Variants in SLC9A9 observed in about 807,000 individuals in gnomAD.
SLC9A9 encodes sodium/hydrogen exchanger 9.
Under a neutral mutation model 77.8 loss-of-function variants are expected in SLC9A9, and 62 were observed. The observed-to-expected ratio is 0.80, with a 90% CI of 0.65 to 0.98. The LOEUF (loss-of-function observed/expected upper bound fraction) is 0.98, where lower values mean the gene tolerates loss of function less well. SLC9A9 is among the 50% of genes least tolerant of loss of function. The pLI is 0.00. For missense variants in SLC9A9, 775 were observed against 774.9 expected, an observed-to-expected ratio of 1.00 and a Z score of 0.00; for synonymous variants, 320 against 283.5, an observed-to-expected ratio of 1.13 and a Z score of -1.29.
chr3:143,593,173 AAGG>A (rs1376882094), intron 6 of SLC9A9, among the ~76,000 whole-genome samples: 7 of 152,330 alleles, frequency 4.6e-5, no homozygotes, highest in African/African-American at 1.7e-4. Flanking sequence ...TACGGGCCAG[AAGG>A]AGGAGTTGGT....
chr3:143,458,075 CAG>C (rs2035125020), intron 12 of SLC9A9, among the ~76,000 whole-genome samples: 1 of 152,128 alleles, frequency 6.6e-6, no homozygotes, highest in Non-Finnish European at 1.5e-5. Flanking sequence ...TCTTCCCTTT[CAG>C]ATTTATCAAT....
At chr3:143,460,544 C>T (rs2035172843) in intron 12 of SLC9A9, among the ~76,000 whole-genome samples, 1 of 152,004 alleles carries the variant, frequency 6.6e-6, no homozygotes, top group Non-Finnish European at 1.5e-5. Context: ...CTTTAATAGA[C>T]CAGAATGTCC....
chr3:143,363,675 A>G (rs2032818812), intron 13 of SLC9A9, 112 bp from the exon 14 acceptor site: 1 of 953,466 alleles, frequency 1.0e-6, no homozygotes, highest in African/African-American at 1.7e-5. Context: ...AACCTTTCTA[A>G]GTATAGGCAT....
In SLC9A9 at chr3:143,658,693, T is replaced by A. The variant is rs534667861; in HGVS notation, c.650-6333A>T. Among the ~76,000 whole-genome samples, 42 of 152,300 alleles carry A rather than the reference T, an allele frequency of 2.8e-4. 1 individual carries two copies. In the South Asian group the frequency reaches 8.5e-3, roughly 31 times the overall value. On this transcript the variant is annotated intron_variant, in intron 5 of 15. Coordinates refer to ENST00000316549, the MANE Select transcript of SLC9A9 (RefSeq NM_173653.4). ...TTTGACTTCAAACATGGCTGAGTGG[T>A]GTTTGAGAATAATCAATTGCCTTTT...
chr3:143,606,426 C>CTATATATA (rs1341835201), intron 6 of SLC9A9, among the ~76,000 whole-genome samples: 3 of 73,976 alleles, frequency 4.1e-5, no homozygotes, highest in Non-Finnish European at 5.4e-5. Flanking sequence ...CTCTCTCTCT[C>CTATATATA]TCTCTCTCTC....
At chr3:143,545,080 T>C (rs2036763952) in intron 9 of SLC9A9, among the ~76,000 whole-genome samples, 1 of 152,218 alleles carries the variant, frequency 6.6e-6, no homozygotes, top group Non-Finnish European at 1.5e-5. Flanking sequence ...AGCCTTATAG[T>C]ATGGTTTCAA....
chr3:143,777,862 A>C (rs568682456), intron 4 of SLC9A9, among the ~76,000 whole-genome samples: 5 of 151,510 alleles, frequency 3.3e-5, no homozygotes, highest in South Asian at 2.1e-4. Flanking sequence ...TTACAGGCAC[A>C]TGCCACCACA....
chr3:143,373,421 A>G (rs1246942325), intron 13 of SLC9A9, among the ~76,000 whole-genome samples: 1 of 152,130 alleles, frequency 6.6e-6, no homozygotes. Flanking sequence ...AGGCATACAG[A>G]GTGACATAAT....
chr3:143,378,873 T>C (rs1484984547), intron 13 of SLC9A9, among the ~76,000 whole-genome samples: 1 of 152,202 alleles, frequency 6.6e-6, no homozygotes, highest in African/African-American at 2.4e-5. Context: ...GTACAAATAA[T>C]TGTGTAACAC....
At chr3:143,664,267 G>A (rs942749851) in intron 5 of SLC9A9, among the ~76,000 whole-genome samples, 1 of 152,162 alleles carries the variant, frequency 6.6e-6, no homozygotes, top group African/African-American at 2.4e-5. Context: ...ATCCTTTCCA[G>A]ACAAGCAAAT....
At chr3:143,707,400 A>ACACACCCC (rs549058822) in intron 4 of SLC9A9, among the ~76,000 whole-genome samples, 1 of 145,002 alleles carries the variant, frequency 6.9e-6, no homozygotes, top group African/African-American at 2.5e-5. Flanking sequence ...ACACACACAC[A>ACACACCCC]CCCCAGCTGG....
chr3:143,567,474 A>G (rs918448885), intron 8 of SLC9A9, among the ~76,000 whole-genome samples: 1 of 152,142 alleles, frequency 6.6e-6, no homozygotes, highest in Non-Finnish European at 1.5e-5. Context: ...ATTCTGCCCA[A>G]TCTTCCCAAA....
chr3:143,280,834 T>C (rs1323340525), intron 14 of SLC9A9, among the ~76,000 whole-genome samples: 1 of 152,206 alleles, frequency 6.6e-6, no homozygotes, highest in East Asian at 1.9e-4. Context: ...ATTACAGGCA[T>C]GAGCTACCGC....
At chr3:143,796,363 C>T (rs889118775) in intron 3 of SLC9A9, among the ~76,000 whole-genome samples, 14 of 152,112 alleles carry the variant, frequency 9.2e-5, no homozygotes, top group Non-Finnish European at 1.6e-4. Context: ...AAATATAATG[C>T]AAGCCACATA....
chr3:143,838,511 A>G (rs1431255326), intron 1 of SLC9A9, among the ~76,000 whole-genome samples: 2 of 152,166 alleles, frequency 1.3e-5, no homozygotes, highest in African/African-American at 2.4e-5. Flanking sequence ...AGCAGAGGAA[A>G]CAGCATTTAG....
At chr3:143,329,254 T>C (rs1428596842) in intron 14 of SLC9A9, among the ~76,000 whole-genome samples, 1 of 152,140 alleles carries the variant, frequency 6.6e-6, no homozygotes, top group African/African-American at 2.4e-5. Flanking sequence ...GGTGTGTATG[T>C]GTTTGGGGTG....
intron 9 of SLC9A9, among the ~76,000 whole-genome samples, chr3:143,502,560 T>G (rs1378595308): frequency 6.6e-6 from 1 of 152,212 alleles, no homozygotes; most frequent in East Asian, 1.9e-4. Flanking sequence ...AAAATGTAAT[T>G]TTACCATATT....
At chr3:143,690,309 A>C (rs929519276) in intron 5 of SLC9A9, among the ~76,000 whole-genome samples, 11 of 152,132 alleles carry the variant, frequency 7.2e-5, no homozygotes, top group African/African-American at 2.7e-4. Flanking sequence ...TATAATACTA[A>C]ATTTTAACTG....
intron 2 of SLC9A9, among the ~76,000 whole-genome samples, chr3:143,809,645 A>G (rs2008812121): frequency 6.6e-6 from 1 of 152,382 alleles, no homozygotes; most frequent in African/African-American, 2.4e-5. Context: ...AAAAAATCCA[A>G]GCGAGGGATG....
Sources: gnomAD v4.1 joint callset for allele counts (sites outside exome capture counted in the v4.1 genomes callset) on GRCh38, gnomAD v4.1.1 for gene constraint, MANE v1.5 for transcripts, NCBI Gene and HGNC (gene_info 2026-07-23, HGNC 2026-07-21) for gene names.